The following CA10 variants were observed in gnomAD, a reference collection of about 807,000 sequenced individuals.
CA10 encodes the protein carbonic anhydrase 10 (inactive), also known as carbonic anhydrase-related protein 10.
In CA10, 14 loss-of-function variants were observed where a neutral mutation model predicts 44.2. The ratio of observed to expected loss-of-function variants is 0.32; its 90% CI spans 0.21 to 0.50. The LOEUF (loss-of-function observed/expected upper bound fraction) is 0.50, where lower values mean the gene tolerates loss of function less well. Ranked by LOEUF, CA10 falls within the 20% of genes least tolerant of loss-of-function variation. CA10 has a pLI of 0.99. For synonymous variants in CA10, 159 were observed against 141.6 expected, an observed-to-expected ratio of 1.12 and a Z score of -0.87; for missense variants, 350 against 409.7, an observed-to-expected ratio of 0.85 and a Z score of 1.26.
rs1284386342 is a variant in CA10 at position 51,959,677 on chromosome 17, G to T, written c.137-28545C>A. 2.7e-5 allele frequency among the ~76,000 whole-genome samples: 4 copies of T among 150,784 alleles called. No homozygotes were observed. The East Asian group carries it at 7.8e-4, about 30-fold the overall frequency. On this transcript the variant is annotated intron_variant, in intron 2 of 8. Coordinates refer to ENST00000451037, the MANE Select transcript of CA10 (RefSeq NM_020178.5). ...GTGGTTGGTATGTGTGTGTGGAGCA[G>T]ACAAACTAGCTCTACAAAGGAATTG...
chr17:51,748,109 T>A (rs1400525864), intron 3 of CA10, among the ~76,000 whole-genome samples: 1 of 152,212 alleles, frequency 6.6e-6, no homozygotes, highest in Non-Finnish European at 1.5e-5. Flanking sequence ...AAAAAATGAA[T>A]TTGTCCTTCT....
At chr17:51,814,650 A>C (rs911510903) in intron 3 of CA10, among the ~76,000 whole-genome samples, 9 of 152,220 alleles carry the variant, frequency 5.9e-5, no homozygotes, top group African/African-American at 1.9e-4. Context: ...TGTTCCATGG[A>C]ACCCTTAGTA....
chr17:51,937,109 C>T (rs765141680), intron 2 of CA10, among the ~76,000 whole-genome samples: 2 of 152,092 alleles, frequency 1.3e-5, no homozygotes, highest in Non-Finnish European at 2.9e-5. Context: ...CAAGGGAAAG[C>T]AAATGAAAGT....
At chr17:51,803,302 G>GCCT (rs1314106990) in intron 3 of CA10, among the ~76,000 whole-genome samples, 3 of 152,132 alleles carry the variant, frequency 2.0e-5, no homozygotes, top group Non-Finnish European at 4.4e-5. Flanking sequence ...CTGCGATGGG[G>GCCT]CCTCCTTTTC....
chr17:51,866,386 C>A (rs138678522), intron 3 of CA10, among the ~76,000 whole-genome samples: 1 of 152,350 alleles, frequency 6.6e-6, no homozygotes, highest in African/African-American at 2.4e-5. Flanking sequence ...CTCCTTGCCA[C>A]TTTGTGGCTA....
At chr17:52,008,324 A>C (rs916252479) in intron 2 of CA10, among the ~76,000 whole-genome samples, 1 of 151,890 alleles carries the variant, frequency 6.6e-6, no homozygotes, top group Non-Finnish European at 1.5e-5. Context: ...AGTAAATTTT[A>C]AGTGAGATGG....
intron 2 of CA10, among the ~76,000 whole-genome samples, chr17:52,057,748 C>T (rs1309937440): frequency 6.6e-6 from 1 of 152,074 alleles, no homozygotes; most frequent in African/African-American, 2.4e-5. Context: ...TTTACAATTT[C>T]CAGCACCTGG....
At chr17:52,105,324 G>A (rs910666678) in intron 1 of CA10, among the ~76,000 whole-genome samples, 5 of 151,464 alleles carry the variant, frequency 3.3e-5, no homozygotes, top group African/African-American at 7.3e-5. Flanking sequence ...GCACAATCTC[G>A]GCTCAGTGCA....
At chr17:51,768,439 C>A (rs906645556) in intron 3 of CA10, among the ~76,000 whole-genome samples, 17 of 152,144 alleles carry the variant, frequency 1.1e-4, no homozygotes, top group Non-Finnish European at 2.2e-4. Context: ...TAAGACATTC[C>A]ATCATCTTTA....
intron 3 of CA10, among the ~76,000 whole-genome samples, chr17:51,768,356 A>T (rs945385564): frequency 6.6e-6 from 1 of 152,150 alleles, no homozygotes; most frequent in Non-Finnish European, 1.5e-5. Context: ...AAGGACAGGA[A>T]ATTTCAAATC....
At chr17:52,109,669 C>G (rs1325394389) in intron 1 of CA10, among the ~76,000 whole-genome samples, 2 of 152,196 alleles carry the variant, frequency 1.3e-5, no homozygotes, top group Non-Finnish European at 2.9e-5. Context: ...AAGTCACATT[C>G]AATCCCATGA....
intron 2 of CA10, among the ~76,000 whole-genome samples, chr17:52,020,915 T>A (rs551195524): frequency 1.2e-4 from 19 of 152,194 alleles, no homozygotes; most frequent in African/African-American, 4.1e-4. Context: ...GGGTTTCTGC[T>A]TTTGTGTTAG....
intron 3 of CA10, among the ~76,000 whole-genome samples, chr17:51,893,869 A>C (rs960968367): frequency 6.6e-6 from 1 of 152,170 alleles, no homozygotes; most frequent in Non-Finnish European, 1.5e-5. Flanking sequence ...TTGTCTCTAT[A>C]TATTCACGTA....
At chr17:51,692,901 G>A (rs1453998997) in intron 4 of CA10, among the ~76,000 whole-genome samples, 17 of 152,188 alleles carry the variant, frequency 1.1e-4, no homozygotes, top group Admixed American at 9.8e-4. Flanking sequence ...GGCTGTCCAC[G>A]ACCAGCTTCA....
intron 1 of CA10, among the ~76,000 whole-genome samples, chr17:52,110,079 C>A (rs552217091): frequency 6.6e-6 from 1 of 152,114 alleles, no homozygotes; most frequent in Non-Finnish European, 1.5e-5. Context: ...GACTAGACAC[C>A]GGCATGAGTC....
intron 3 of CA10, among the ~76,000 whole-genome samples, chr17:51,759,024 T>C (rs77413669): frequency 0.019 from 2,873 of 152,330 alleles, 113 homozygotes; most frequent in African/African-American, 0.066. Flanking sequence ...CCCAGTTCAG[T>C]GTGGGTTTCT....
chr17:51,902,313 G>A (rs574723076), intron 3 of CA10, among the ~76,000 whole-genome samples: 26 of 152,152 alleles, frequency 1.7e-4, no homozygotes, highest in Non-Finnish European at 2.9e-5. Flanking sequence ...GTTATAGATT[G>A]CTCAGAGATA....
chr17:51,712,874 G>C (rs576074699), intron 4 of CA10, among the ~76,000 whole-genome samples: 1 of 152,156 alleles, frequency 6.6e-6, no homozygotes, highest in Non-Finnish European at 1.5e-5. Context: ...CATTGCCTAC[G>C]ACCTTCCTTC....
In CA10 at chr17:51,664,298, T is replaced by C. The variant is rs374473598; in HGVS notation, c.466-10562A>G. On this transcript the variant is annotated intron_variant, in intron 4 of 8. Coordinates refer to ENST00000451037, the MANE Select transcript of CA10 (RefSeq NM_020178.5). ...GGCCAATATCTTTTACGATCATATA[T>C]GCAAAAAGCCAAAATTAATACTAGC... is the stretch of plus-strand genomic sequence containing the variant. 6.9e-4 allele frequency among the ~76,000 whole-genome samples: 105 copies of C among 152,276 alleles called. 3 individuals are homozygous for C. The South Asian group carries it at 0.021, about 30-fold the overall frequency.
Sources: gnomAD v4.1 joint callset for allele counts (sites outside exome capture counted in the v4.1 genomes callset) on GRCh38, gnomAD v4.1.1 for gene constraint, MANE v1.5 for transcripts, NCBI Gene and HGNC (gene_info 2026-07-23, HGNC 2026-07-21) for gene names.